Variants in DCC observed in about 807,000 individuals in gnomAD.
The protein encoded by DCC is DCC netrin 1 receptor.
A neutral mutation model predicts 172.5 loss-of-function variants in DCC; 58 were observed. The ratio of observed to expected loss-of-function variants is 0.34; its 90% CI spans 0.27 to 0.42. The LOEUF is 0.42. Among genes scored for constraint, DCC ranks in the 10% least tolerant of loss-of-function variants. The pLI, the probability that DCC is intolerant of heterozygous loss-of-function variation, is 1.00. For synonymous variants in DCC, 709 were observed against 644.5 expected (o/e 1.10, Z -1.52); for missense variants, 1,740 against 1,791.0 (o/e 0.97, Z 0.51).
At chr18:53,294,039 G>C (rs188107788) in intron 12 of DCC, among the ~76,000 whole-genome samples, 49 of 152,170 alleles carry the variant, frequency 3.2e-4, no homozygotes, top group African/African-American at 1.1e-3. Context: ...TAAGTTATTA[G>C]TTTCTCCTTT....
intron 1 of DCC, among the ~76,000 whole-genome samples, chr18:52,538,731 A>G (rs1285549920): frequency 2.0e-5 from 3 of 152,126 alleles, no homozygotes; most frequent in African/African-American, 7.2e-5. Context: ...TGCTTTTCTT[A>G]ATATAATTTT....
chr18:53,322,131 C>T lies in DCC; in HGVS notation c.2138C>T (p.Ala713Val). Residue 713 changes from alanine to valine, a missense_variant, in exon 14 of 29, where the codon GCA (alanine) becomes GTA (valine). Coordinates refer to ENST00000442544, the MANE Select transcript of DCC (RefSeq NM_005215.4). ...GTGPPSNWYT[A>V]ETPENDLDES... is the part of the protein sequence containing the mutation. ...GGACCACCTTCCAACTGGTATACTG[C>T]AGAGACTCCAGAGAATGATCTAGAT... The T allele has an allele frequency of 6.4e-7, 1 of 1,563,536 alleles. No homozygotes were observed. The highest frequency in any genetic ancestry group is 8.8e-7 in the Non-Finnish European group (1 of 1,133,922).
At chr18:53,161,364 A>G (rs572406995) in intron 8 of DCC, among the ~76,000 whole-genome samples, 6 of 152,208 alleles carry the variant, frequency 3.9e-5, no homozygotes, top group Admixed American at 6.5e-5. Context: ...TCAGTTTCCT[A>G]TTGCACATGC....
intron 3 of DCC, among the ~76,000 whole-genome samples, chr18:52,906,766 T>C (rs2039889154): frequency 6.6e-6 from 1 of 151,788 alleles, no homozygotes; most frequent in Non-Finnish European, 1.5e-5. Context: ...ATGATACATA[T>C]AGATATATAT....
At chr18:53,235,953 G>T (rs1489995464) in intron 12 of DCC, among the ~76,000 whole-genome samples, 2 of 152,028 alleles carry the variant, frequency 1.3e-5, no homozygotes, top group Non-Finnish European at 2.9e-5. Flanking sequence ...TAAATTTTTT[G>T]TTAAGTATAA....
At chr18:52,404,560 C>T (rs563265417) in intron 1 of DCC, among the ~76,000 whole-genome samples, 50 of 150,064 alleles carry the variant, frequency 3.3e-4, no homozygotes, top group African/African-American at 1.1e-3. Context: ...TGCAGAAATA[C>T]GAAGAAAAGA....
chr18:52,924,443 C>T (rs893850089), intron 4 of DCC, among the ~76,000 whole-genome samples: 1 of 152,000 alleles, frequency 6.6e-6, no homozygotes, highest in South Asian at 2.1e-4. Flanking sequence ...CTATATCGCT[C>T]ATATTCCCAG....
intron 8 of DCC, among the ~76,000 whole-genome samples, chr18:53,160,390 G>A (rs1016018554): frequency 6.6e-6 from 1 of 152,072 alleles, no homozygotes; most frequent in East Asian, 1.9e-4. Flanking sequence ...ATCCCTTATA[G>A]TTCCTGTTTT....
intron 25 of DCC, among the ~76,000 whole-genome samples, chr18:53,474,305 A>C (rs2045735160): frequency 6.6e-6 from 1 of 152,212 alleles, no homozygotes; most frequent in Non-Finnish European, 1.5e-5. Context: ...ATACAAAACA[A>C]TATGGATAAT....
chr18:53,453,409 G>T (rs950238346), intron 23 of DCC, among the ~76,000 whole-genome samples: 1 of 152,098 alleles, frequency 6.6e-6, no homozygotes, highest in Non-Finnish European at 1.5e-5. Flanking sequence ...AGTAGAAAAC[G>T]CATTCACGAG....
intron 1 of DCC, among the ~76,000 whole-genome samples, chr18:52,625,078 T>C (rs1278441522): frequency 6.6e-6 from 1 of 152,168 alleles, no homozygotes; most frequent in Non-Finnish European, 1.5e-5. Flanking sequence ...CTGTACTGAA[T>C]ACTGTAGGCA....
intron 1 of DCC, among the ~76,000 whole-genome samples, chr18:52,583,085 A>T (rs570472641): frequency 3.3e-5 from 5 of 152,240 alleles, no homozygotes; most frequent in East Asian, 1.9e-4. Flanking sequence ...CAATATCATT[A>T]AAAAAATGGT....
intron 1 of DCC, among the ~76,000 whole-genome samples, chr18:52,672,020 C>T (rs2035562833): frequency 6.6e-6 from 1 of 152,164 alleles, no homozygotes; most frequent in African/African-American, 2.4e-5. Context: ...CTCCCTATCT[C>T]CATCCCAGAC....
intron 1 of DCC, among the ~76,000 whole-genome samples, chr18:52,441,810 CACA>C (rs1987977734): frequency 6.6e-6 from 1 of 152,200 alleles, no homozygotes. Context: ...ATTATTCTCA[CACA>C]ACAAGATTAG....
chr18:52,688,270 AATGACTTAGGCACATCATTGTAATTTT>A (rs2035873742), intron 1 of DCC, among the ~76,000 whole-genome samples: 1 of 152,096 alleles, frequency 6.6e-6, no homozygotes, highest in East Asian at 1.9e-4. Flanking sequence ...CTCTGAGCTA[AATGACTTAGGCACATCATTGTAATTTT>A]CCCAGTAACT....
intron 1 of DCC, among the ~76,000 whole-genome samples, chr18:52,562,818 C>T (rs184486988): frequency 6.6e-6 from 1 of 151,810 alleles, no homozygotes; most frequent in Admixed American, 6.6e-5. Flanking sequence ...TTTGTAGGGA[C>T]AGAGTCTCAC....
chr18:53,035,681 A>AG (rs2042083291), intron 5 of DCC, among the ~76,000 whole-genome samples: 1 of 152,110 alleles, frequency 6.6e-6, no homozygotes, highest in African/African-American at 2.4e-5. Flanking sequence ...TGAACGCAGC[A>AG]GGGGCTGGCT....
At chr18:53,098,448 A>G (rs557633632) in intron 7 of DCC, among the ~76,000 whole-genome samples, 7 of 152,196 alleles carry the variant, frequency 4.6e-5, no homozygotes, top group African/African-American at 1.4e-4. Context: ...TTTGACCTTC[A>G]TGACCTTGAG....
chr18:52,410,045 A>T (rs1986791873), intron 1 of DCC, among the ~76,000 whole-genome samples: 1 of 152,246 alleles, frequency 6.6e-6, no homozygotes. Flanking sequence ...CTGTCTCTGT[A>T]ATGCCACATC....
Sources: allele counts gnomAD v4.1 joint callset (sites outside exome capture counted in the v4.1 genomes callset), GRCh38; gene constraint gnomAD v4.1.1; transcripts MANE v1.5; gene names NCBI Gene and HGNC (gene_info 2026-07-23, HGNC 2026-07-21).